SLX9: variants seen among roughly 807,000 people sequenced by gnomAD.
SLX9 encodes the protein SLX9 ribosome biogenesis factor, also known as ribosome biogenesis protein SLX9 homolog.
Under a neutral mutation model 20.8 loss-of-function variants are expected in SLX9, and 19 were observed. That is an observed-to-expected ratio of 0.91 (90% confidence interval 0.64 to 1.34). The LOEUF (loss-of-function observed/expected upper bound fraction) is 1.34. Among genes scored for constraint, SLX9 ranks in the 40% most tolerant of loss-of-function variants. The pLI, the probability that SLX9 is intolerant of heterozygous loss-of-function variation, is 0.00. For synonymous variants in SLX9, 113 were observed against 137.1 expected, an observed-to-expected ratio of 0.82 and a Z score of 1.23; for missense variants, 299 against 322.2, an observed-to-expected ratio of 0.93 and a Z score of 0.55.
intron 2 of SLX9, among the ~76,000 whole-genome samples, chr21:44,947,184 T>C (rs1482603469): frequency 1.3e-5 from 2 of 152,190 alleles, no homozygotes; most frequent in Admixed American, 1.3e-4. Context: ...CCCGGGTTTG[T>C]GCTGGGGCCT....
intron 4 of SLX9, among the ~76,000 whole-genome samples, 165 bp downstream of exon 4, chr21:44,967,346 C>T (rs1410094404): frequency 5.3e-5 from 8 of 152,224 alleles, no homozygotes; most frequent in Non-Finnish European, 8.8e-5. Context: ...GTTCTCAGGG[C>T]GTGAGCTCGT....
At chr21:44,973,163 G>A (rs761195727) in intron 4 of SLX9, 34 bp from the exon 5 acceptor site, 7 of 1,612,646 alleles carry the variant, frequency 4.3e-6, no homozygotes, top group Non-Finnish European at 5.9e-6. Context: ...GGGGATGCTG[G>A]ATGCTGACTC....
intron 5 of SLX9, among the ~76,000 whole-genome samples, chr21:44,975,886 G>A (rs773978538): frequency 1.1e-4 from 16 of 152,366 alleles, no homozygotes; most frequent in Non-Finnish European, 2.2e-4. Context: ...GTCGTCCAGC[G>A]GGGTGTGAAA....
At chr21:44,964,948 C>T (rs188152400) in intron 3 of SLX9, among the ~76,000 whole-genome samples, 40 of 152,314 alleles carry the variant, frequency 2.6e-4, no homozygotes, top group African/African-American at 9.4e-4. Context: ...TCTAACCTCA[C>T]GTGTCATGCT....
chr21:44,961,318 C>T (rs2084946442), intron 3 of SLX9, among the ~76,000 whole-genome samples: 1 of 152,138 alleles, frequency 6.6e-6, no homozygotes. Context: ...GTGTCTCATG[C>T]CTGTAATCCC....
At chr21:44,960,288 A>G in intron 3 of SLX9, 120 bp downstream of exon 3, 2 of 933,560 alleles carry the variant, frequency 2.1e-6, no homozygotes, top group South Asian at 1.4e-5. Flanking sequence ...AGGAGTGCCC[A>G]AGGGGATCAC....
intron 3 of SLX9, among the ~76,000 whole-genome samples, chr21:44,963,861 G>A (rs745473259): frequency 2.0e-5 from 3 of 152,096 alleles, no homozygotes; most frequent in South Asian, 2.1e-4. Flanking sequence ...TTGTTGGTTC[G>A]TCTGTCTTGA....
chr21:44,966,568 G>C (rs1011354427), intron 3 of SLX9, among the ~76,000 whole-genome samples: 3 of 152,130 alleles, frequency 2.0e-5, no homozygotes, highest in African/African-American at 7.2e-5. Context: ...ACCCCCCATG[G>C]CCCCAAGCCC....
intron 2 of SLX9, among the ~76,000 whole-genome samples, chr21:44,957,589 T>C (rs1008997515): frequency 2.6e-5 from 4 of 152,238 alleles, no homozygotes; most frequent in African/African-American, 9.6e-5. Context: ...CCTCATGCCC[T>C]GCGGCCTTGT....
rs1012556997 is a variant in SLX9, at chr21:44,971,313, G to A, written c.501-1884G>A. On this transcript the variant is annotated intron_variant, in intron 4 of 5. Coordinates refer to ENST00000291634, the MANE Select transcript of SLX9 (RefSeq NM_058190.4). ...GGCCTCGTGGAGTCGCGTCCCTGCC[G>A]GTGCTTGCCCTTGGCCCATGACGGT... 1.3e-4 allele frequency among the ~76,000 whole-genome samples: 20 copies of A among 152,268 alleles called. No individual in the cohort carries two copies. In the Middle Eastern group the frequency reaches 0.01, roughly 78 times the overall value.
chr21:44,964,832 T>C (rs1334498594), intron 3 of SLX9, among the ~76,000 whole-genome samples: 1 of 152,250 alleles, frequency 6.6e-6, no homozygotes, highest in African/African-American at 2.4e-5. Context: ...GCTGTATTTT[T>C]TGGCCTTTGA....
At chr21:44,946,853 C>G (rs994691748) in intron 2 of SLX9, among the ~76,000 whole-genome samples, 3 of 152,210 alleles carry the variant, frequency 2.0e-5, no homozygotes, top group African/African-American at 4.8e-5. Context: ...AGGGCTCAGA[C>G]GGAGGGACAG....
intron 2 of SLX9, chr21:44,958,294 C>T (rs1243052647): frequency 6.6e-6 from 1 of 152,462 alleles, no homozygotes; most frequent in African/African-American, 2.4e-5. Context: ...CTCCCGACAC[C>T]CTTGCTTGAG....
rs574176291 is a variant in SLX9, at chr21:44,948,307, C to T, written c.283+4470C>T. 4.2e-3 allele frequency among the ~76,000 whole-genome samples: 413 copies of T among 97,890 alleles called. No homozygotes were observed. The Middle Eastern group carries it at 0.063, about 15-fold the overall frequency. The allele number at this position is 97,890 out of a possible 152,430, so 64.2% of individuals were successfully genotyped here. On this transcript the variant is annotated intron_variant, in intron 2 of 5. Coordinates refer to ENST00000291634, the MANE Select transcript of SLX9 (RefSeq NM_058190.4). ...GCTGGTCGTGGAGCATCGGGCGGTC[C>T]GGGGAGCTGGTCGTGGAGCATCGGG...
chr21:44,955,698 A>G (rs190085325), intron 2 of SLX9, among the ~76,000 whole-genome samples: 1 of 152,072 alleles, frequency 6.6e-6, no homozygotes, highest in African/African-American at 2.4e-5. Flanking sequence ...TCTTTTCTTT[A>G]CAAGTGTGTG....
At chr21:44,960,196 G>A (rs377309780) in intron 3 of SLX9, 28 bp downstream of exon 3, 137 of 1,610,462 alleles carry the variant, frequency 8.5e-5, no homozygotes, top group Non-Finnish European at 1.1e-4. Flanking sequence ...TCTTGAGGCA[G>A]CTGCCGGCCC....
chr21:44,968,664 A>G (rs2085084543), intron 4 of SLX9, among the ~76,000 whole-genome samples: 1 of 151,876 alleles, frequency 6.6e-6, no homozygotes, highest in Non-Finnish European at 1.5e-5. Context: ...GTGTAGCCAC[A>G]GCCCAGCTTT....
chr21:44,972,070 T>C (rs1216269006), intron 4 of SLX9, among the ~76,000 whole-genome samples: 2 of 152,176 alleles, frequency 1.3e-5, no homozygotes, highest in African/African-American at 4.8e-5. Flanking sequence ...ATGTCTGTCA[T>C]TCATATTTTA....
chr21:44,954,610 C>T (rs2084821118), intron 2 of SLX9, among the ~76,000 whole-genome samples: 1 of 152,222 alleles, frequency 6.6e-6, no homozygotes, highest in South Asian at 2.1e-4. Context: ...GAAACGTCCT[C>T]CGGCCCTGCA....
Sources: allele counts gnomAD v4.1 joint callset (sites outside exome capture counted in the v4.1 genomes callset), GRCh38; gene constraint gnomAD v4.1.1; transcripts MANE v1.5; gene names NCBI Gene and HGNC (gene_info 2026-07-23, HGNC 2026-07-21).